RARB: variants seen among roughly 807,000 people sequenced by gnomAD.
RARB encodes HBV-activated protein.
RARB carries 17 observed loss-of-function variants against 51.9 expected under a neutral mutation model. That is an observed-to-expected ratio of 0.33 (90% CI 0.22 to 0.49). The LOEUF is 0.49. Ranked by LOEUF, RARB falls within the 20% of genes least tolerant of loss-of-function variation. The probability of loss-of-function intolerance (pLI) is 0.99; values close to 1 mark genes in which losing one functional copy is unlikely to be tolerated. For synonymous variants in RARB, 215 were observed against 195.4 expected, an observed-to-expected ratio of 1.10 and a Z score of -0.84; for missense variants, 369 against 550.8, an observed-to-expected ratio of 0.67 and a Z score of 3.30.
intron 5 of RARB, among the ~76,000 whole-genome samples, chr3:25,409,449 T>A (rs192444186): frequency 1.0e-3 from 158 of 152,192 alleles, no homozygotes; most frequent in African/African-American, 3.8e-3. Context: ...CATCATAGAC[T>A]CAGTTTATTC....
chr3:25,072,576 A>G (rs754284906), intron 3 of RARB, among the ~76,000 whole-genome samples: 35 of 152,212 alleles, frequency 2.3e-4, no homozygotes, highest in African/African-American at 8.2e-4. Flanking sequence ...GTTTTCAGAT[A>G]CAAAGAATGG....
chr3:24,984,644 A>C (rs979619290), intron 2 of RARB, among the ~76,000 whole-genome samples: 1 of 152,214 alleles, frequency 6.6e-6, no homozygotes, highest in African/African-American at 2.4e-5. Context: ...AGTTGCATTT[A>C]TGTATTTTGA....
chr3:24,870,618 G>A (rs1230278352), intron 2 of RARB, among the ~76,000 whole-genome samples: 1 of 151,992 alleles, frequency 6.6e-6, no homozygotes, highest in Non-Finnish European at 1.5e-5. Context: ...TCATTTGATT[G>A]TAGCATTTTG....
At chr3:25,483,368 A>G (rs1462886948) in intron 2 of RARB, among the ~76,000 whole-genome samples, 2 of 152,214 alleles carry the variant, frequency 1.3e-5, no homozygotes, top group East Asian at 3.8e-4. Context: ...TAGAAAAAGA[A>G]TCACACATAC....
chr3:24,874,734 T>G (rs2125351998), intron 2 of RARB, among the ~76,000 whole-genome samples: 1 of 152,146 alleles, frequency 6.6e-6, no homozygotes, highest in Non-Finnish European at 1.5e-5. Context: ...ATTTTGGCAG[T>G]CTTTAGTTTT....
intron 1 of RARB, among the ~76,000 whole-genome samples, chr3:25,433,094 TGAA>T (rs1420202285): frequency 6.6e-6 from 1 of 152,226 alleles, no homozygotes; most frequent in Non-Finnish European, 1.5e-5. Context: ...GAGTTTTTGA[TGAA>T]GGTTAATCAG....
chr3:25,370,721 C>T (rs1004477852), intron 5 of RARB, among the ~76,000 whole-genome samples: 8 of 152,104 alleles, frequency 5.3e-5, no homozygotes, highest in Non-Finnish European at 1.0e-4. Flanking sequence ...AAGGACCAGG[C>T]GTGTATCATG....
intron 1 of RARB, among the ~76,000 whole-genome samples, chr3:25,457,247 G>GT (rs760770597): frequency 1.3e-5 from 2 of 151,974 alleles, no homozygotes; most frequent in Non-Finnish European, 2.9e-5. Flanking sequence ...ATCATTGTTG[G>GT]TTTATTCTCT....
At chr3:25,527,255 T>C (rs569569730) in intron 3 of RARB, among the ~76,000 whole-genome samples, 2 of 152,302 alleles carry the variant, frequency 1.3e-5, no homozygotes, top group East Asian at 1.9e-4. Flanking sequence ...AGTGGCTAGA[T>C]GGCAAATATT....
At chr3:24,979,672 C>A (rs1478153078) in intron 2 of RARB, among the ~76,000 whole-genome samples, 2 of 151,750 alleles carry the variant, frequency 1.3e-5, no homozygotes, top group Non-Finnish European at 2.9e-5. Context: ...TGTGTCTTTG[C>A]ATGTGAGATG....
At chr3:25,065,663 G>A (rs915784693) in intron 3 of RARB, among the ~76,000 whole-genome samples, 1 of 152,202 alleles carries the variant, frequency 6.6e-6, no homozygotes, top group Non-Finnish European at 1.5e-5. Flanking sequence ...GAGACTAAAA[G>A]TTCTTCAAAT....
At chr3:24,879,286 G>A (rs1293930173) in intron 2 of RARB, among the ~76,000 whole-genome samples, 5 of 151,826 alleles carry the variant, frequency 3.3e-5, no homozygotes, top group South Asian at 2.1e-4. Context: ...AAAATTAGCC[G>A]GGCGTGGTGG....
At chr3:25,185,678 G>C (rs918769297) in intron 5 of RARB, among the ~76,000 whole-genome samples, 3 of 152,048 alleles carry the variant, frequency 2.0e-5, no homozygotes, top group African/African-American at 7.2e-5. Context: ...ATTTCTGTGA[G>C]TCCTGATGGA....
At chr3:25,541,329 A>G (rs1699371776) in intron 3 of RARB, among the ~76,000 whole-genome samples, 1 of 152,026 alleles carries the variant, frequency 6.6e-6, no homozygotes, top group Non-Finnish European at 1.5e-5. Flanking sequence ...CTGTGACTGA[A>G]TTTTATTTTT....
chr3:24,898,118 A>T (rs1284392556), intron 2 of RARB, among the ~76,000 whole-genome samples: 1 of 152,140 alleles, frequency 6.6e-6, no homozygotes, highest in South Asian at 2.1e-4. Flanking sequence ...TTAGGAGTCA[A>T]GCCCGGAGTT....
chr3:25,122,153 G>A (rs781473111), intron 3 of RARB, among the ~76,000 whole-genome samples: 1 of 152,002 alleles, frequency 6.6e-6, no homozygotes, highest in Non-Finnish European at 1.5e-5. Flanking sequence ...TTTCAATGAT[G>A]GCATATCTTT....
At chr3:25,569,999 C>G in intron 4 of RARB, 81 bp downstream of exon 4, 1 of 1,404,244 alleles carries the variant, frequency 7.1e-7, no homozygotes. Flanking sequence ...CACACACACA[C>G]ACACACACAC....
chr3:24,866,675 C>G (rs188080699), intron 2 of RARB, among the ~76,000 whole-genome samples: 338 of 152,278 alleles, frequency 2.2e-3, no homozygotes, highest in Non-Finnish European at 3.4e-3. Flanking sequence ...CTTCCAAATG[C>G]AAGTATTCTT....
intron 5 of RARB, among the ~76,000 whole-genome samples, chr3:25,301,283 C>T (rs184750015): frequency 4.1e-4 from 62 of 152,300 alleles, no homozygotes; most frequent in Non-Finnish European, 7.3e-5. Flanking sequence ...TAGTCTCCCT[C>T]AGCTACCTGG....
Sources: allele counts gnomAD v4.1 joint callset (sites outside exome capture counted in the v4.1 genomes callset), GRCh38; gene constraint gnomAD v4.1.1; transcripts MANE v1.5; gene names NCBI Gene and HGNC (gene_info 2026-07-23, HGNC 2026-07-21).